GPR176: variants seen among roughly 807,000 people sequenced by gnomAD.
GPR176 encodes G protein-coupled receptor 176, also known as G-protein coupled receptor 176.
A neutral mutation model predicts 35.4 loss-of-function variants in GPR176; 26 were observed. The ratio of observed to expected loss-of-function variants is 0.74; its 90% confidence interval spans 0.54 to 1.02. The LOEUF (loss-of-function observed/expected upper bound fraction) is 1.02, where lower values mean the gene tolerates loss of function less well. Ranked by LOEUF, GPR176 falls within the 50% of genes least tolerant of loss-of-function variation. The pLI is 0.00. For missense variants in GPR176, 597 were observed against 665.3 expected, an observed-to-expected ratio of 0.90 and a Z score of 1.13; for synonymous variants, 278 against 271.3, an observed-to-expected ratio of 1.02 and a Z score of -0.24.
At chr15:39,851,009 A>G (rs2030829039) in intron 1 of GPR176, among the ~76,000 whole-genome samples, 1 of 152,190 alleles carries the variant, frequency 6.6e-6, no homozygotes, top group Non-Finnish European at 1.5e-5. Flanking sequence ...CAGAATCAAC[A>G]ATGTTTGTTG....
Position 39,893,598 on chromosome 15 carries a change from T to C in GPR176, c.172+26257A>G, listed in dbSNP as rs1048103106. 3.3e-4 allele frequency among the ~76,000 whole-genome samples: 50 copies of C among 152,338 alleles called. No individual in the cohort carries two copies. The South Asian group carries it at 3.9e-3, about 12-fold the overall frequency. ...CAAAGCCGCCATTGTCATCCTGGCC[T>C]GTTCTCAATGAGCTGTTGGGCACAC... On this transcript the variant is annotated intron_variant, in intron 1 of 2. Coordinates refer to ENST00000561100, the MANE Select transcript of GPR176 (RefSeq NM_007223.3).
At chr15:39,857,280 C>T (rs1022229697) in intron 1 of GPR176, among the ~76,000 whole-genome samples, 2 of 152,134 alleles carry the variant, frequency 1.3e-5, no homozygotes, top group African/African-American at 4.8e-5. Flanking sequence ...TTAACCCAAC[C>T]CTTACTTCCC....
chr15:39,858,629 C>T (rs769063660), intron 1 of GPR176, among the ~76,000 whole-genome samples: 2 of 152,182 alleles, frequency 1.3e-5, no homozygotes, highest in Non-Finnish European at 2.9e-5. Context: ...GGGAGGATCA[C>T]TGGGGCCCAG....
chr15:39,848,360 T>A (rs1431298342), intron 1 of GPR176, among the ~76,000 whole-genome samples: 1 of 152,180 alleles, frequency 6.6e-6, no homozygotes, highest in Non-Finnish European at 1.5e-5. Context: ...AAATCCACAG[T>A]TATAGTTGGA....
chr15:39,803,854 G>A (rs918917882), intron 2 of GPR176, among the ~76,000 whole-genome samples: 4 of 152,204 alleles, frequency 2.6e-5, no homozygotes, highest in Non-Finnish European at 5.9e-5. Context: ...ATTCCAGGCT[G>A]AAAGAGATGG....
intron 1 of GPR176, among the ~76,000 whole-genome samples, chr15:39,861,689 A>G (rs566721162): frequency 6.6e-6 from 1 of 152,242 alleles, no homozygotes; most frequent in Admixed American, 6.5e-5. Flanking sequence ...AAAGAGTGAC[A>G]TAAACAGTGT....
chr15:39,867,553 GGCT>G (rs1049738685), intron 1 of GPR176, among the ~76,000 whole-genome samples: 1 of 151,608 alleles, frequency 6.6e-6, no homozygotes, highest in Non-Finnish European at 1.5e-5. Flanking sequence ...TCACGCTGGA[GGCT>G]ACTCAGGGCC....
intron 1 of GPR176, among the ~76,000 whole-genome samples, chr15:39,856,869 G>C (rs1438008225): frequency 6.6e-6 from 1 of 152,200 alleles, no homozygotes; most frequent in Non-Finnish European, 1.5e-5. Context: ...CTAGTACTCA[G>C]TAGGTGTTCC....
rs763015257 is a variant in GPR176, at chr15:39,807,290, T to G, written c.173-32A>C. On this transcript the variant is annotated intron_variant, in intron 1 of 2. Transcript: ENST00000561100. ...AGATATGAAAGAAAATAAAATAATT[T>G]AAATAAAAATTTAAGAACTAAAAAA... is the stretch of plus-strand genomic sequence containing the variant. The G allele has an allele frequency of 5.9e-6, 8 of 1,354,340 alleles. No homozygotes were observed. The Admixed American group carries it at 8.1e-5, about 14-fold the overall frequency. 83.9% of individuals were successfully genotyped at this position (1,354,340 alleles called of 1,614,324 possible). A position where few individuals can be genotyped will look rare whatever the true frequency, so the allele number is the denominator to read the frequency against.
intron 1 of GPR176, among the ~76,000 whole-genome samples, chr15:39,894,690 C>T: frequency 6.6e-6 from 1 of 151,352 alleles, no homozygotes; most frequent in Non-Finnish European, 1.5e-5. Flanking sequence ...CTCCTCACTT[C>T]CTAGGTGGGA....
chr15:39,917,036 C>T (rs2033743493), intron 1 of GPR176, among the ~76,000 whole-genome samples: 1 of 152,152 alleles, frequency 6.6e-6, no homozygotes, highest in African/African-American at 2.4e-5. Context: ...GATCTCAGCA[C>T]TTCGGGAGGC....
rs890145682 is a variant in GPR176 at position 39,913,437 on chromosome 15, C to T, written c.172+6418G>A. 8.1e-4 allele frequency among the ~76,000 whole-genome samples: 123 copies of T among 151,958 alleles called. 1 individual carries two copies. The highest frequency in any genetic ancestry group is 1.5e-4 in the Non-Finnish European group (10 of 67,980). On this transcript the variant is annotated intron_variant, in intron 1 of 2. Transcript: ENST00000561100. ...GCACACACTTGTAGTCCCATCTATTCAGAGGGCTGAGGCTGCAGAATCACT... is the reference window on the plus strand; with the variant it reads ...GCACACACTTGTAGTCCCATCTATTTAGAGGGCTGAGGCTGCAGAATCACT...
At chr15:39,881,873 G>A (rs2032489521) in intron 1 of GPR176, among the ~76,000 whole-genome samples, 1 of 152,222 alleles carries the variant, frequency 6.6e-6, no homozygotes, top group Non-Finnish European at 1.5e-5. Flanking sequence ...TTTCTCACAA[G>A]TGAAGTTGGT....
chr15:39,873,387 C>T (rs7173582), intron 1 of GPR176, among the ~76,000 whole-genome samples: 3,842 of 152,058 alleles, frequency 0.025, 55 homozygotes, highest in South Asian at 0.048. Flanking sequence ...ATTTCAGGGG[C>T]AGAATCAATT....
chr15:39,897,599 A>ATTTTTTTTTTTTT (rs386382791), intron 1 of GPR176, among the ~76,000 whole-genome samples: 16 of 88,528 alleles, frequency 1.8e-4, no homozygotes, highest in South Asian at 4.0e-4. Flanking sequence ...ACATCCAAAT[A>ATTTTTTTTTTTTT]TTTTTTTTTT....
intron 1 of GPR176, among the ~76,000 whole-genome samples, chr15:39,900,197 C>T (rs529225271): frequency 1.3e-5 from 2 of 149,318 alleles, no homozygotes; most frequent in Non-Finnish European, 1.5e-5. Context: ...CTAATCTTGG[C>T]TCCTAAATTG....
Position 39,801,891 on chromosome 15 carries a change from C to G in GPR176, c.789G>C (p.Glu263Asp). 6.2e-7 allele frequency: 1 copy of G among 1,614,082 alleles called. No individual in the cohort carries two copies. The highest frequency in any genetic ancestry group is 2.2e-5 in the East Asian group (1 of 44,876). The change falls in exon 3 of 3, where the codon GAG (glutamate) becomes GAC (aspartate). Residue 263 changes from glutamate to aspartate, a missense_variant. Glu to Asp is a conservative substitution (Grantham distance 45). Transcript: ENST00000561100. ...SIPYASQREA[E>D]LHATLLSMVM... is the part of the protein sequence containing the mutation. Reference sequence around the variant, plus strand: ...CCATGGAGAGCAGGGTGGCGTGCAGCTCGGCCTCCCGCTGGGAGGCATAGG... The same window carrying G: ...CCATGGAGAGCAGGGTGGCGTGCAGGTCGGCCTCCCGCTGGGAGGCATAGG...
intron 1 of GPR176, among the ~76,000 whole-genome samples, chr15:39,885,611 A>C (rs201336121): frequency 6.3e-5 from 8 of 127,552 alleles, no homozygotes; most frequent in Non-Finnish European, 1.3e-4. Flanking sequence ...TCTTTATTTC[A>C]GAATCTTTAT....
intron 1 of GPR176, among the ~76,000 whole-genome samples, chr15:39,885,776 CAT>C (rs1221210775): frequency 6.6e-6 from 1 of 152,126 alleles, no homozygotes; most frequent in Non-Finnish European, 1.5e-5. Flanking sequence ...AAAATAATTA[CAT>C]GTTTCAGCCA....
Sources: gnomAD v4.1 joint callset for allele counts (sites outside exome capture counted in the v4.1 genomes callset) on GRCh38, gnomAD v4.1.1 for gene constraint, MANE v1.5 for transcripts, NCBI Gene and HGNC (gene_info 2026-07-23, HGNC 2026-07-21) for gene names.